Variants in GALNTL6 observed in about 807,000 individuals in gnomAD.
GALNTL6 encodes the protein polypeptide N-acetylgalactosaminyltransferase-like 6.
Under a neutral mutation model 73.7 loss-of-function variants are expected in GALNTL6, and 46 were observed. That is an observed-to-expected ratio of 0.62 (90% CI 0.49 to 0.80). The LOEUF (loss-of-function observed/expected upper bound fraction) is 0.80. GALNTL6 is among the 30% of genes least tolerant of loss of function. The pLI, the probability that GALNTL6 is intolerant of heterozygous loss-of-function variation, is 0.00. For missense variants in GALNTL6, 604 were observed against 755.0 expected (o/e 0.80, Z 2.34); for synonymous variants, 259 against 263.7 (o/e 0.98, Z 0.17).
At chr4:172,042,383 C>G (rs898154558) in intron 2 of GALNTL6, among the ~76,000 whole-genome samples, 1 of 151,936 alleles carries the variant, frequency 6.6e-6, no homozygotes, top group African/African-American at 2.4e-5. Flanking sequence ...TAAAAATAAG[C>G]CTTTAACTCC....
intron 3 of GALNTL6, among the ~76,000 whole-genome samples, chr4:172,295,864 C>T (rs558864666): frequency 6.6e-6 from 1 of 151,926 alleles, no homozygotes. Context: ...AATTTTTATA[C>T]TTTAAAATTT....
chr4:171,831,143 CA>C (rs1734958639), intron 2 of GALNTL6, among the ~76,000 whole-genome samples: 1 of 151,984 alleles, frequency 6.6e-6, no homozygotes, highest in African/African-American at 2.4e-5. Context: ...TTCTCCAGCA[CA>C]AGTCCTCCTT....
At chr4:172,054,532 C>T (rs890657507) in intron 2 of GALNTL6, among the ~76,000 whole-genome samples, 1 of 152,044 alleles carries the variant, frequency 6.6e-6, no homozygotes, top group Non-Finnish European at 1.5e-5. Context: ...GTCCCACTTC[C>T]TAGTTCATAG....
At chr4:172,866,679 G>C (rs1448754131) in intron 7 of GALNTL6, among the ~76,000 whole-genome samples, 1 of 152,110 alleles carries the variant, frequency 6.6e-6, no homozygotes, top group Non-Finnish European at 1.5e-5. Flanking sequence ...CACACCCTAA[G>C]ATTCTGCCAT....
intron 5 of GALNTL6, among the ~76,000 whole-genome samples, chr4:172,544,172 C>T (rs1373476857): frequency 2.6e-5 from 4 of 152,070 alleles, no homozygotes; most frequent in Non-Finnish European, 5.9e-5. Context: ...AGGTTTTTTT[C>T]CTCAACAGCC....
At chr4:172,363,959 A>G (rs958967695) in intron 5 of GALNTL6, among the ~76,000 whole-genome samples, 4 of 152,210 alleles carry the variant, frequency 2.6e-5, no homozygotes, top group Admixed American at 6.5e-5. Flanking sequence ...GAAACAAACT[A>G]TACTTCTTTG....
chr4:172,750,047 G>C (rs1003554100), intron 5 of GALNTL6, among the ~76,000 whole-genome samples: 1 of 152,020 alleles, frequency 6.6e-6, no homozygotes, highest in African/African-American at 2.4e-5. Context: ...CCTGATTCTT[G>C]TGCATTTTGA....
chr4:172,869,593 A>C (rs1359675265), intron 7 of GALNTL6, among the ~76,000 whole-genome samples: 1 of 152,162 alleles, frequency 6.6e-6, no homozygotes, highest in Non-Finnish European at 1.5e-5. Context: ...ACTACTCTAC[A>C]TTCAATCCTT....
At chr4:172,685,334 T>C (rs1732855074) in intron 5 of GALNTL6, among the ~76,000 whole-genome samples, 1 of 152,220 alleles carries the variant, frequency 6.6e-6, no homozygotes, top group Non-Finnish European at 1.5e-5. Flanking sequence ...TCTACTCAAT[T>C]ATAGAAGACA....
At chr4:172,657,057 G>A (rs1731069033) in intron 5 of GALNTL6, among the ~76,000 whole-genome samples, 1 of 152,158 alleles carries the variant, frequency 6.6e-6, no homozygotes, top group Non-Finnish European at 1.5e-5. Flanking sequence ...AGGAGAAAGA[G>A]GAGGCAAGAT....
chr4:171,865,787 A>G (rs1735954185), intron 2 of GALNTL6, among the ~76,000 whole-genome samples: 1 of 152,194 alleles, frequency 6.6e-6, no homozygotes, highest in African/African-American at 2.4e-5. Context: ...TTGAAAAGTG[A>G]GTCTAAGAAT....
intron 5 of GALNTL6, among the ~76,000 whole-genome samples, chr4:172,760,828 C>T (rs1309535971): frequency 6.6e-6 from 1 of 152,140 alleles, no homozygotes; most frequent in Non-Finnish European, 1.5e-5. Flanking sequence ...TCATGCCTCG[C>T]TAGGGCCTTT....
intron 2 of GALNTL6, among the ~76,000 whole-genome samples, chr4:172,077,904 G>T (rs983466241): frequency 6.6e-6 from 1 of 152,116 alleles, no homozygotes; most frequent in African/African-American, 2.4e-5. Context: ...GGGCTCAGGG[G>T]CTCTGTGCAA....
At chr4:172,070,828 C>T (rs35340713) in intron 2 of GALNTL6, among the ~76,000 whole-genome samples, 72,995 of 107,416 alleles carry the variant, frequency 0.68, 32,879 homozygotes, top group Non-Finnish European at 0.84. Flanking sequence ...TCTGTGATGA[C>T]GCCTTCAAAA....
At chr4:171,941,013 AAGTC>A (rs1409995562) in intron 2 of GALNTL6, among the ~76,000 whole-genome samples, 4 of 151,984 alleles carry the variant, frequency 2.6e-5, no homozygotes, top group African/African-American at 7.2e-5. Context: ...AAAAATTTAA[AAGTC>A]AGGAGTCAAT....
chr4:172,136,290 T>A (rs1579173041), intron 2 of GALNTL6, among the ~76,000 whole-genome samples: 1 of 152,094 alleles, frequency 6.6e-6, no homozygotes, highest in African/African-American at 2.4e-5. Flanking sequence ...TAAATCTAGA[T>A]CACATTGAAA....
chr4:171,847,567 A>C (rs903886590), intron 2 of GALNTL6, among the ~76,000 whole-genome samples: 3 of 152,120 alleles, frequency 2.0e-5, no homozygotes, highest in Non-Finnish European at 4.4e-5. Flanking sequence ...ATCCACAGTA[A>C]AACTTCTTTC....
At chr4:172,439,173 CA>C (rs1731741904) in intron 5 of GALNTL6, among the ~76,000 whole-genome samples, 2 of 546 alleles carry the variant, frequency 3.7e-3, no homozygotes, top group African/African-American at 0.016. Context: ...CTCTCCCCTT[CA>C]CACACACACA....
chr4:172,987,551 G>C (rs977593611), intron 10 of GALNTL6, among the ~76,000 whole-genome samples: 2 of 152,182 alleles, frequency 1.3e-5, no homozygotes, highest in Non-Finnish European at 2.9e-5. Flanking sequence ...TTTGCATAAA[G>C]TACAGCAAGA....
Sources: allele counts gnomAD v4.1 joint callset (sites outside exome capture counted in the v4.1 genomes callset), GRCh38; gene constraint gnomAD v4.1.1; transcripts MANE v1.5; gene names NCBI Gene and HGNC (gene_info 2026-07-23, HGNC 2026-07-21).